Variants in STPG2 observed in about 807,000 individuals in gnomAD.
The protein encoded by STPG2 is sperm tail PG-rich repeat containing 2, also known as sperm-tail PG-rich repeat-containing protein 2.
In STPG2, 56 loss-of-function variants were observed where a neutral mutation model predicts 54.2. That is an observed-to-expected ratio of 1.03 (90% CI 0.83 to 1.29). STPG2 has a LOEUF of 1.29. Ranked by LOEUF, STPG2 falls within the 50% of genes most tolerant of loss-of-function variation. The probability of loss-of-function intolerance (pLI) is 0.00; values close to 1 mark genes in which losing one functional copy is unlikely to be tolerated. For missense variants in STPG2, 596 were observed against 544.9 expected (o/e 1.09, Z -0.93); for synonymous variants, 200 against 181.8 (o/e 1.10, Z -0.81).
chr4:97,653,329 C>T (rs962719105), intron 10 of STPG2, among the ~76,000 whole-genome samples: 11 of 151,360 alleles, frequency 7.3e-5, no homozygotes, highest in Admixed American at 4.6e-4. Flanking sequence ...CTAGTTTTGA[C>T]TTTATATAAT....
intron 9 of STPG2, among the ~76,000 whole-genome samples, chr4:97,764,151 G>C (rs200745834): frequency 6.8e-6 from 1 of 147,986 alleles, no homozygotes; most frequent in Non-Finnish European, 1.5e-5. Context: ...CAGAGGCACA[G>C]ACAGACACAC....
chr4:97,830,213 C>A (rs1176042661), intron 9 of STPG2, among the ~76,000 whole-genome samples: 1 of 152,116 alleles, frequency 6.6e-6, no homozygotes, highest in East Asian at 1.9e-4. Flanking sequence ...GAGTGAGGAC[C>A]AATATTCAAC....
chr4:97,573,481 T>C (rs1732649250), intron 10 of STPG2, among the ~76,000 whole-genome samples: 1 of 151,916 alleles, frequency 6.6e-6, no homozygotes, highest in Admixed American at 6.6e-5. Flanking sequence ...GTGTTAGCTA[T>C]AAAGGCTGCA....
At chr4:97,727,447 GTTTAT>G (rs1298141878) in intron 9 of STPG2, among the ~76,000 whole-genome samples, 2 of 151,798 alleles carry the variant, frequency 1.3e-5, no homozygotes, top group Non-Finnish European at 3.0e-5. Context: ...AGATGACAAC[GTTTAT>G]TTTATCAGCC....
chr4:97,945,051 T>C (rs1436457168), intron 7 of STPG2, among the ~76,000 whole-genome samples: 1 of 152,166 alleles, frequency 6.6e-6, no homozygotes, highest in African/African-American at 2.4e-5. Flanking sequence ...AAATAACTTA[T>C]TTTTATAATA....
chr4:97,596,157 T>C (rs1391325858), intron 10 of STPG2, among the ~76,000 whole-genome samples: 2 of 151,876 alleles, frequency 1.3e-5, no homozygotes, highest in Non-Finnish European at 2.9e-5. Flanking sequence ...CTAACAAAGA[T>C]AAAAAAAGAA....
chr4:97,870,836 T>C (rs927014236), intron 8 of STPG2, among the ~76,000 whole-genome samples: 5 of 151,098 alleles, frequency 3.3e-5, no homozygotes, highest in African/African-American at 1.2e-4. Flanking sequence ...ATGTTGAACT[T>C]TACAGCCTGA....
rs567847483 is a variant in STPG2, at chr4:97,634,575, G to C, written c.1321-75458C>G. Among the ~76,000 whole-genome samples the C allele has an allele frequency of 6.0e-5, 9 of 150,530 alleles. No homozygotes were observed. In the East Asian group the frequency reaches 1.2e-3, roughly 20 times the overall value. ...GGAGGACATTCAAACCAAAGGCAAAGAAGTTGAAAACTTTGAAAAAAATTT... is the reference window on the plus strand; with the variant it reads ...GGAGGACATTCAAACCAAAGGCAAACAAGTTGAAAACTTTGAAAAAAATTT... On this transcript the variant is annotated intron_variant, in intron 10 of 10. Coordinates refer to ENST00000295268, the MANE Select transcript of STPG2 (RefSeq NM_174952.3).
At chr4:97,621,723 G>A (rs1489794501) in intron 10 of STPG2, among the ~76,000 whole-genome samples, 1 of 152,024 alleles carries the variant, frequency 6.6e-6, no homozygotes, top group African/African-American at 2.4e-5. Flanking sequence ...TATCATTCCT[G>A]CTAAAACAAT....
chr4:97,850,278 G>C (rs968536895), intron 8 of STPG2, among the ~76,000 whole-genome samples: 2 of 41,932 alleles, frequency 4.8e-5, no homozygotes, highest in East Asian at 7.9e-4. Flanking sequence ...TGGTGGGGAG[G>C]GGGGAGGGGG....
intron 5 of STPG2, among the ~76,000 whole-genome samples, chr4:98,054,871 A>G (rs1388688310): frequency 6.6e-6 from 1 of 152,182 alleles, no homozygotes; most frequent in Non-Finnish European, 1.5e-5. Context: ...AAAATGTCTT[A>G]TAGTCAAAAA....
At chr4:97,571,235 A>G (rs1732591470) in intron 10 of STPG2, among the ~76,000 whole-genome samples, 1 of 152,150 alleles carries the variant, frequency 6.6e-6, no homozygotes, top group Non-Finnish European at 1.5e-5. Context: ...TGTGAAATTC[A>G]ATAGATGATA....
chr4:97,842,206 A>T (rs996908632), intron 8 of STPG2, among the ~76,000 whole-genome samples: 1 of 151,862 alleles, frequency 6.6e-6, no homozygotes, highest in African/African-American at 2.4e-5. Flanking sequence ...TTCTTACATG[A>T]AAACCCCACT....
chr4:97,910,872 T>C (rs1467215517), intron 8 of STPG2, among the ~76,000 whole-genome samples: 1 of 152,086 alleles, frequency 6.6e-6, no homozygotes. Context: ...AGATGACCAA[T>C]TAGAAGCAGC....
chr4:97,743,236 G>C (rs1384488939), intron 9 of STPG2, among the ~76,000 whole-genome samples: 1 of 151,614 alleles, frequency 6.6e-6, no homozygotes, highest in Non-Finnish European at 1.5e-5. Context: ...GAGTGATGTT[G>C]CCCAATAGGT....
chr4:97,999,022 G>A (rs1264363816), intron 5 of STPG2, among the ~76,000 whole-genome samples: 2 of 73,916 alleles, frequency 2.7e-5, no homozygotes, highest in African/African-American at 5.5e-5. Context: ...TTTTTTTTCT[G>A]TAATAAACTA....
At chr4:97,891,963 G>C (rs183646599) in intron 8 of STPG2, among the ~76,000 whole-genome samples, 26 of 152,090 alleles carry the variant, frequency 1.7e-4, no homozygotes, top group Non-Finnish European at 3.7e-4. Flanking sequence ...GTATGTAGTA[G>C]AGGTTTCCTC....
intron 5 of STPG2, among the ~76,000 whole-genome samples, chr4:98,099,987 T>C (rs1019382259): frequency 5.3e-5 from 8 of 152,148 alleles, no homozygotes; most frequent in African/African-American, 1.4e-4. Context: ...TGCATACCTA[T>C]ATCAAAATAG....
intron 4 of STPG2, among the ~76,000 whole-genome samples, chr4:97,475,962 TG>T (rs1298562494): frequency 2.0e-5 from 3 of 152,282 alleles, no homozygotes; most frequent in African/African-American, 7.2e-5. Flanking sequence ...AAAGTTAACT[TG>T]TTTATATGTT....
Sources: gnomAD v4.1 joint callset for allele counts (sites outside exome capture counted in the v4.1 genomes callset) on GRCh38, gnomAD v4.1.1 for gene constraint, MANE v1.5 for transcripts, NCBI Gene and HGNC (gene_info 2026-07-23, HGNC 2026-07-21) for gene names.